The following HEATR5A variants were observed in gnomAD, a reference collection of about 807,000 sequenced individuals.
HEATR5A encodes the protein HEAT repeat containing 5A.
A neutral mutation model predicts 218.8 loss-of-function variants in HEATR5A; 178 were observed. The observed-to-expected ratio is 0.81, with a 90% CI of 0.72 to 0.92. HEATR5A has a LOEUF of 0.92. Among genes scored for constraint, HEATR5A ranks in the 40% least tolerant of loss-of-function variants. HEATR5A has a pLI of 0.00. For synonymous variants in HEATR5A, 864 were observed against 871.6 expected (o/e 0.99, Z 0.15); for missense variants, 2,420 against 2,418.9 (o/e 1.00, Z -0.01).
chr14:31,371,898 AG>A lies in HEATR5A; in HGVS notation c.1872del (p.Phe625LeufsTer13). 1 of 1,514,142 alleles carries A rather than the reference AG, an allele frequency of 6.6e-7. No homozygotes were observed. The highest frequency in any genetic ancestry group is 8.9e-7 in the Non-Finnish European group (1 of 1,122,214). The allele number at this position is 1,514,142 out of a possible 1,614,324, so 93.8% of individuals were successfully genotyped here. A position where few individuals can be genotyped will look rare whatever the true frequency, so the allele number is the denominator to read the frequency against. ...AGAAGATCACCACAGTGGGAAACAA[AG>A]CTCTTGATAGCTGAAAAGGAAAACA... is the stretch of plus-strand genomic sequence containing the variant. ...GRAGALCAIK[S>X]FVSHCGDLLT... On this transcript the variant is annotated frameshift_variant, in exon 13 of 36. Coordinates refer to ENST00000543095, the MANE Select transcript of HEATR5A (RefSeq NM_015473.4). LOFTEE classifies it high-confidence loss of function.
rs535104361 is a variant in HEATR5A at position 31,314,095 on chromosome 14, G to A, written c.4219-905C>T. On this transcript the variant is annotated intron_variant, in intron 27 of 35. Transcript: ENST00000543095. ...CCCAAGTAGCTGGGATTACAGGTGC[G>A]CACCACCATGCCTGGCTGGTTTTTG... is the stretch of plus-strand genomic sequence containing the variant. Among the ~76,000 whole-genome samples the A allele has an allele frequency of 4.7e-5, 7 of 150,448 alleles. No individual in the cohort carries two copies. In the East Asian group the frequency reaches 5.9e-4, roughly 13 times the overall value.
chr14:31,308,001 T>C lies in HEATR5A; in HGVS notation c.4710A>G (p.Leu1570=), dbSNP rs767683188. The part of the protein sequence containing the change: ...HLILGISVEF[L]CSLRSDATME... ...TGGTTGCATCTGAACGTAAGGAACA[T>C]AGAAATTCCACGCTGATTCCTGTGG... is the stretch of plus-strand genomic sequence containing the variant. The change falls in exon 30 of 36, where the codon CTA becomes CTG. Residue 1570 remains leucine (L), a synonymous_variant. Transcript: ENST00000543095. 1.1e-5 allele frequency: 18 copies of C among 1,611,090 alleles called. No individual in the cohort carries two copies. The highest frequency in any genetic ancestry group is 1.5e-5 in the Non-Finnish European group (18 of 1,179,062).
chr14:31,380,504 T>C lies in HEATR5A; in HGVS notation c.1671A>G (p.Gln557=). The C allele has an allele frequency of 6.2e-7, 1 of 1,609,126 alleles. No individual in the cohort carries two copies. Among genetic ancestry groups the C allele is most frequent in the Non-Finnish European group, 8.5e-7 (1 of 1,177,698 alleles). ...GAGCAGAAATCAGCAACCATCCAGC[T>C]TGTGTGCGCTGAGCTGAAAGGCGAC... The part of the protein sequence containing the change: ...QNSRLSAQRT[Q]AGWLLISALM... Residue 557 remains glutamine (Q), a synonymous_variant, in exon 11 of 36, where the codon CAA becomes CAG. Transcript: ENST00000543095.
rs879494221 is a variant in HEATR5A, at chr14:31,415,941, GT to G, written c.-75+4530del. Reference sequence around the variant, plus strand: ...TAGTAAAATTAGCACCATACTATGGGTTTTTTTTTTTCCTTTTCTTTTTTTT... The same window carrying G: ...TAGTAAAATTAGCACCATACTATGGGTTTTTTTTTTCCTTTTCTTTTTTTT... On this transcript the variant is annotated intron_variant, in intron 1 of 35. Transcript: ENST00000543095. Among the ~76,000 whole-genome samples the G allele has an allele frequency of 9.5e-3, 1,386 of 146,160 alleles. 14 individuals carry two copies. The highest frequency in any genetic ancestry group is 0.032 in the African/African-American group (1,281 of 39,948).
rs1000709832 is a variant in HEATR5A, at chr14:31,359,091, A to G, written c.2072-34T>C. The G allele has an allele frequency of 3.8e-6, 6 of 1,576,090 alleles. No homozygotes were observed. The African/African-American group carries it at 8.2e-5, about 22-fold the overall frequency. On this transcript the variant is annotated intron_variant, in intron 14 of 35. Transcript: ENST00000543095. ...TCACAGAAAAAGAGCAATTAGTACT[A>G]TTAATTATCTGGTGAGAGTATGGGA...
At chr14:31,323,295 G>T (rs945201592) in intron 24 of HEATR5A, among the ~76,000 whole-genome samples, 2 of 152,000 alleles carry the variant, frequency 1.3e-5, no homozygotes. Flanking sequence ...CCAGTAGCTG[G>T]AACTATAGGT....
intron 5 of HEATR5A, 151 bp downstream of exon 5, chr14:31,395,048 A>G (rs1246875796): frequency 2.6e-5 from 12 of 468,310 alleles, no homozygotes; most frequent in Non-Finnish European, 4.5e-5. Flanking sequence ...GGAAATTCAT[A>G]TAACTCTGGG....
At chr14:31,416,023 T>C (rs970603257) in intron 1 of HEATR5A, among the ~76,000 whole-genome samples, 2 of 151,968 alleles carry the variant, frequency 1.3e-5, no homozygotes, top group Non-Finnish European at 2.9e-5. Flanking sequence ...GGATCTCAGC[T>C]CGCTGCAACC....
intron 1 of HEATR5A, 27 bp from the exon 2 acceptor site, chr14:31,403,076 T>A: frequency 9.5e-7 from 1 of 1,053,088 alleles, no homozygotes; most frequent in Non-Finnish European, 1.3e-6. Flanking sequence ...TAATGTATTT[T>A]AAAAGGGGGG....
chr14:31,412,368 G>A (rs1200617774), intron 1 of HEATR5A, among the ~76,000 whole-genome samples: 3 of 150,938 alleles, frequency 2.0e-5, no homozygotes, highest in Admixed American at 6.6e-5. Context: ...AGGTCGAGGC[G>A]GGTGGATCAC....
Position 31,291,880 on chromosome 14 carries a change from T to A in HEATR5A, c.*1425A>T, listed in dbSNP as rs565135830. Reference sequence around the variant, plus strand: ...TGTTTTCACTCTGAACAATTTACAATAGTATTTATATACAAACATAATAAA... The same window carrying A: ...TGTTTTCACTCTGAACAATTTACAAAAGTATTTATATACAAACATAATAAA... On this transcript the variant is annotated 3_prime_UTR_variant, in exon 36 of 36. Transcript: ENST00000543095. 4 of 152,204 alleles carry A rather than the reference T, an allele frequency of 2.6e-5. No homozygotes were observed. The highest frequency in any genetic ancestry group is 5.9e-5 in the Non-Finnish European group (4 of 68,038). 9.4% of individuals were successfully genotyped at this position (152,204 alleles called of 1,614,324 possible).
Position 31,377,679 on chromosome 14 carries a change from G to C in HEATR5A, c.1709-2711C>G, listed in dbSNP as rs903341852. On this transcript the variant is annotated intron_variant, in intron 11 of 35. Transcript: ENST00000543095. Reference sequence around the variant, plus strand: ...CACAGTCCCAGCTACTCAAGAGGCTGAGGCAGGTGGATCACCCGAGCCTGC... The same window carrying C: ...CACAGTCCCAGCTACTCAAGAGGCTCAGGCAGGTGGATCACCCGAGCCTGC... 3.9e-5 allele frequency among the ~76,000 whole-genome samples: 6 copies of C among 152,118 alleles called. 1 individual carries two copies. Among genetic ancestry groups the C allele is most frequent in the Admixed American group, 2.6e-4 (4 of 15,266 alleles).
At chr14:31,408,400 T>C (rs2031153318) in intron 1 of HEATR5A, among the ~76,000 whole-genome samples, 1 of 152,184 alleles carries the variant, frequency 6.6e-6, no homozygotes. Flanking sequence ...GCAAAATTAA[T>C]AAAACACTTC....
chr14:31,306,934 T>TA, intron 30 of HEATR5A, 55 bp from the exon 31 acceptor site: 2 of 1,373,844 alleles, frequency 1.5e-6, no homozygotes, highest in Non-Finnish European at 2.0e-6. Flanking sequence ...ATTTCTTTTG[T>TA]AAAAAATACC....
At chr14:31,377,467 C>T (rs1902273047) in intron 11 of HEATR5A, among the ~76,000 whole-genome samples, 1 of 152,084 alleles carries the variant, frequency 6.6e-6, no homozygotes, top group Admixed American at 6.6e-5. Flanking sequence ...GATACTAACG[C>T]ACTCTAAAAA....
chr14:31,314,922 G>A (rs908143268), intron 27 of HEATR5A, among the ~76,000 whole-genome samples: 7 of 152,002 alleles, frequency 4.6e-5, no homozygotes, highest in Admixed American at 3.9e-4. Flanking sequence ...CTTGTGATCC[G>A]AGCACTTTAA....
intron 33 of HEATR5A, among the ~76,000 whole-genome samples, chr14:31,298,432 A>C (rs1041099563): frequency 3.3e-5 from 5 of 152,160 alleles, no homozygotes; most frequent in African/African-American, 1.2e-4. Context: ...GAGATGAAAG[A>C]AGCAAGCTCA....
chr14:31,358,927 T>C lies in HEATR5A; in HGVS notation c.2202A>G (p.Leu734=), dbSNP rs1294888758. 8.2e-6 allele frequency: 13 copies of C among 1,594,444 alleles called. No homozygotes were observed. Among genetic ancestry groups the C allele is most frequent in the Non-Finnish European group, 1.1e-5 (13 of 1,175,114 alleles). ...QDDLLILSPF[L]QETDHRFIEE... Reference sequence around the variant, plus strand: ...CAATAAATCTATGGTCAGTCTCTTGTAGGAAAGGACTTAGTATCAAAAGAT... The same window carrying C: ...CAATAAATCTATGGTCAGTCTCTTGCAGGAAAGGACTTAGTATCAAAAGAT... The change falls in exon 15 of 36, where the codon CTA becomes CTG. Residue 734 remains leucine, a synonymous_variant. Transcript: ENST00000543095.
At position 31,394,076 on chromosome 14, in the gene HEATR5A, C is replaced by T. The variant is rs1308069349; in HGVS notation, c.748G>A (p.Val250Ile). ...CCTGTTCCTGGATGTTTAGAAATTACAGCTTTAGCTAATATTATGCCTAGT... is the reference window on the plus strand; with the variant it reads ...CCTGTTCCTGGATGTTTAGAAATTATAGCTTTAGCTAATATTATGCCTAGT... Reference protein sequence around the residue: ...KLLGIILAKAVISKHPGTAAS... With the variant: ...KLLGIILAKAIISKHPGTAAS... The change falls in exon 6 of 36, where the codon GTA (valine) becomes ATA (isoleucine). Residue 250 changes from valine to isoleucine, a missense_variant. Physicochemically the swap from Val to Ile is conservative, Grantham distance 29. Coordinates refer to ENST00000543095, the MANE Select transcript of HEATR5A (RefSeq NM_015473.4). 1.3e-6 allele frequency: 2 copies of T among 1,524,994 alleles called. No homozygotes were observed. The highest frequency in any genetic ancestry group is 1.8e-6 in the Non-Finnish European group (2 of 1,142,706). The allele number at this position is 1,524,994 out of a possible 1,614,324, so 94.5% of individuals were successfully genotyped here.
Sources: allele counts gnomAD v4.1 joint callset (sites outside exome capture counted in the v4.1 genomes callset), GRCh38; gene constraint gnomAD v4.1.1; transcripts MANE v1.5; gene names NCBI Gene and HGNC (gene_info 2026-07-23, HGNC 2026-07-21).